The following FGD4 variants were observed in gnomAD, a reference collection of about 807,000 sequenced individuals.
FGD4 encodes the protein FYVE, RhoGEF and PH domain containing 4, also known as FYVE, RhoGEF and PH domain-containing protein 4.
Under a neutral mutation model 102.0 loss-of-function variants are expected in FGD4, and 42 were observed. The observed-to-expected ratio is 0.41, with a 90% confidence interval of 0.32 to 0.53. The LOEUF is 0.53. Among genes scored for constraint, FGD4 ranks in the 20% least tolerant of loss-of-function variants. The probability of loss-of-function intolerance (pLI) is 0.21; values close to 1 mark genes in which losing one functional copy is unlikely to be tolerated. For synonymous variants in FGD4, 380 were observed against 375.7 expected, an observed-to-expected ratio of 1.01 and a Z score of -0.13; for missense variants, 902 against 1,078.2, an observed-to-expected ratio of 0.84 and a Z score of 2.29.
intron 1 of FGD4, among the ~76,000 whole-genome samples, chr12:32,413,369 A>C (rs1030058248): frequency 3.9e-5 from 6 of 152,344 alleles, no homozygotes; most frequent in African/African-American, 9.6e-5. Flanking sequence ...CTAACATGTA[A>C]CATTTACGTG....
chr12:32,622,057 T>G (rs891768754), intron 11 of FGD4, among the ~76,000 whole-genome samples: 7 of 152,040 alleles, frequency 4.6e-5, no homozygotes, highest in African/African-American at 1.7e-4. Context: ...CCGACTAACT[T>G]TTGTATTTTT....
chr12:32,482,175 A>T (rs1245752514), intron 1 of FGD4, among the ~76,000 whole-genome samples: 1 of 152,228 alleles, frequency 6.6e-6, no homozygotes, highest in Non-Finnish European at 1.5e-5. Flanking sequence ...AAAGGAAATG[A>T]AATATTTGCT....
chr12:32,524,351 G>C (rs1429830895), intron 1 of FGD4, among the ~76,000 whole-genome samples: 1 of 139,146 alleles, frequency 7.2e-6, no homozygotes, highest in African/African-American at 2.8e-5. Flanking sequence ...AGCCGAGATC[G>C]CGCCATTGCA....
intron 1 of FGD4, among the ~76,000 whole-genome samples, chr12:32,542,655 G>T (rs1338058262): frequency 6.6e-6 from 1 of 152,208 alleles, no homozygotes; most frequent in Non-Finnish European, 1.5e-5. Flanking sequence ...GTTGGCTACA[G>T]CTCTTAGAAA....
chr12:32,603,765 C>T (rs1022908875), intron 7 of FGD4, among the ~76,000 whole-genome samples: 10 of 151,980 alleles, frequency 6.6e-5, no homozygotes, highest in East Asian at 3.9e-4. Context: ...TGCAGTGGCC[C>T]AGTCACAGCT....
intron 12 of FGD4, 97 bp from the exon 13 acceptor site, chr12:32,624,879 A>C: frequency 9.4e-7 from 1 of 1,063,308 alleles, no homozygotes; most frequent in South Asian, 1.3e-5. Flanking sequence ...CTTAATTTTC[A>C]AAGTGATTCC....
intron 4 of FGD4, among the ~76,000 whole-genome samples, chr12:32,594,230 A>G (rs1206345351): frequency 6.6e-6 from 1 of 152,050 alleles, no homozygotes; most frequent in Non-Finnish European, 1.5e-5. Flanking sequence ...GCTCCCCATC[A>G]CTCACGTTAC....
At chr12:32,628,623 A>G (rs937527489) in intron 14 of FGD4, among the ~76,000 whole-genome samples, 1 of 152,110 alleles carries the variant, frequency 6.6e-6, no homozygotes, top group Non-Finnish European at 1.5e-5. Flanking sequence ...ACACGGAGAA[A>G]TCCCGTCTCT....
chr12:32,484,591 G>T (rs1390661725), intron 1 of FGD4, among the ~76,000 whole-genome samples: 2 of 152,028 alleles, frequency 1.3e-5, no homozygotes, highest in Non-Finnish European at 2.9e-5. Context: ...CCCTTTTTAG[G>T]CTGGGTGCAG....
intron 2 of FGD4, among the ~76,000 whole-genome samples, chr12:32,567,772 C>T (rs985681019): frequency 6.6e-6 from 1 of 150,506 alleles, no homozygotes; most frequent in Non-Finnish European, 1.5e-5. Context: ...ACTGCGGCCT[C>T]CCCTTCCCAG....
chr12:32,464,125 G>A (rs907908686), intron 1 of FGD4, among the ~76,000 whole-genome samples: 1 of 152,024 alleles, frequency 6.6e-6, no homozygotes, highest in Non-Finnish European at 1.5e-5. Context: ...CGTTATGTAT[G>A]TACATACTGG....
At position 32,582,436 on chromosome 12, in the gene FGD4, T is replaced by A. The variant is rs144980336; in HGVS notation, c.980T>A (p.Leu327Gln). Residue 327 changes from leucine to glutamine, a missense_variant, in exon 4 of 17, where the codon CTG (leucine) becomes CAG (glutamine). Transcript: ENST00000534526. ...GAAAATGGGGAAAGCCCTCTGGAAC[T>A]GGAGCAGCTGGACCAGCACCATGAG... ...ERENGESPLE[L>Q]EQLDQHHEMK... 181 of 1,612,110 alleles carry A rather than the reference T, an allele frequency of 1.1e-4. No homozygotes were observed. The highest frequency in any genetic ancestry group is 1.5e-4 in the Non-Finnish European group (174 of 1,180,014).
chr12:32,445,404 C>A (rs1455747154), intron 1 of FGD4, among the ~76,000 whole-genome samples: 1 of 152,064 alleles, frequency 6.6e-6, no homozygotes, highest in Non-Finnish European at 1.5e-5. Context: ...GGAAATTTGA[C>A]TTTGATTTAC....
At chr12:32,532,120 C>T (rs1240934948) in intron 1 of FGD4, among the ~76,000 whole-genome samples, 1 of 152,026 alleles carries the variant, frequency 6.6e-6, no homozygotes, top group Non-Finnish European at 1.5e-5. Context: ...TATGTTTTCT[C>T]CTTTACATCC....
At chr12:32,507,532 AAGTG>A (rs1938902465) in intron 1 of FGD4, among the ~76,000 whole-genome samples, 1 of 152,188 alleles carries the variant, frequency 6.6e-6, no homozygotes, top group South Asian at 2.1e-4. Flanking sequence ...AAATCATGTT[AAGTG>A]AGTGCTACAA....
intron 1 of FGD4, among the ~76,000 whole-genome samples, chr12:32,552,441 T>A (rs1943750701): frequency 1.5e-5 from 1 of 65,794 alleles, no homozygotes; most frequent in African/African-American, 1.5e-4. Flanking sequence ...TGCATTTTTT[T>A]TTTTTTTTTT....
intron 1 of FGD4, among the ~76,000 whole-genome samples, chr12:32,438,313 G>A (rs1330983527): frequency 1.3e-5 from 2 of 152,116 alleles, no homozygotes; most frequent in Non-Finnish European, 2.9e-5. Flanking sequence ...AGCGGACTTG[G>A]GATAACAGTT....
intron 4 of FGD4, among the ~76,000 whole-genome samples, chr12:32,585,870 A>T (rs1946990036): frequency 6.7e-6 from 1 of 149,026 alleles, no homozygotes. Context: ...AGGGAAATGC[A>T]GATGAAGGAG....
At chr12:32,473,721 A>T (rs944874121) in intron 1 of FGD4, among the ~76,000 whole-genome samples, 1 of 152,128 alleles carries the variant, frequency 6.6e-6, no homozygotes, top group African/African-American at 2.4e-5. Context: ...GTTCTTCCCC[A>T]CTTTCCACCC....
Sources: allele counts gnomAD v4.1 joint callset (sites outside exome capture counted in the v4.1 genomes callset), GRCh38; gene constraint gnomAD v4.1.1; transcripts MANE v1.5; gene names NCBI Gene and HGNC (gene_info 2026-07-23, HGNC 2026-07-21).